ABLIM1: variants seen among roughly 807,000 people sequenced by gnomAD.
ABLIM1 encodes the protein actin binding LIM protein 1, also known as actin-binding LIM protein 1.
ABLIM1 carries 40 observed loss-of-function variants against 107.0 expected under a neutral mutation model. The observed-to-expected ratio is 0.37, with a 90% CI of 0.29 to 0.49. The LOEUF is 0.49. ABLIM1 is among the 20% of genes least tolerant of loss of function. The probability of loss-of-function intolerance (pLI) is 0.97; values close to 1 mark genes in which losing one functional copy is unlikely to be tolerated. For synonymous variants in ABLIM1, 357 were observed against 357.3 expected (o/e 1.00, Z 0.01); for missense variants, 857 against 1,008.5 (o/e 0.85, Z 2.04).
chr10:114,647,643 A>G (rs1490793124), intron 1 of ABLIM1, among the ~76,000 whole-genome samples: 1 of 152,188 alleles, frequency 6.6e-6, no homozygotes, highest in African/African-American at 2.4e-5. Flanking sequence ...TTATCCCAGG[A>G]GATCCTACTC....
the ABLIM1 span, among the ~76,000 whole-genome samples, chr10:114,781,590 ATG>A: frequency 2.0e-5 from 3 of 150,294 alleles, no homozygotes; most frequent in Non-Finnish European, 3.0e-5. Flanking sequence ...GTGTGTGAAT[ATG>A]TGTGTATATA....
At chr10:114,569,477 G>T (rs1298260293) in intron 4 of ABLIM1, among the ~76,000 whole-genome samples, 1 of 151,834 alleles carries the variant, frequency 6.6e-6, no homozygotes, top group Non-Finnish European at 1.5e-5. Context: ...CCGCCACCAC[G>T]CTCGGCTAAT....
chr10:114,486,849 C>A (rs550279620), intron 8 of ABLIM1, among the ~76,000 whole-genome samples: 2 of 151,696 alleles, frequency 1.3e-5, no homozygotes, highest in Non-Finnish European at 2.9e-5. Context: ...TTGATGGATG[C>A]GAATTGAGGA....
chr10:114,627,439 C>T (rs1350315226), intron 1 of ABLIM1, among the ~76,000 whole-genome samples: 1 of 152,026 alleles, frequency 6.6e-6, no homozygotes, highest in East Asian at 1.9e-4. Context: ...TATTTACTTC[C>T]TCGACAGGTG....
intron 8 of ABLIM1, among the ~76,000 whole-genome samples, chr10:114,477,650 T>C (rs2056679220): frequency 6.6e-6 from 1 of 152,200 alleles, no homozygotes; most frequent in South Asian, 2.1e-4. Context: ...TAACAGCACC[T>C]TCCAGGGATG....
chr10:114,695,764 A>G (rs192432330), intron 1 of ABLIM1, among the ~76,000 whole-genome samples: 37 of 152,332 alleles, frequency 2.4e-4, no homozygotes, highest in African/African-American at 8.9e-4. Context: ...GTTGGAAATA[A>G]AACACATCCA....
chr10:114,682,641 C>A (rs979953197), intron 1 of ABLIM1, among the ~76,000 whole-genome samples: 4 of 152,116 alleles, frequency 2.6e-5, no homozygotes, highest in African/African-American at 9.7e-5. Context: ...TATGACTGAG[C>A]TTCAAGTCAA....
intron 1 of ABLIM1, among the ~76,000 whole-genome samples, chr10:114,736,107 A>G (rs2082173941): frequency 6.6e-6 from 1 of 152,202 alleles, no homozygotes; most frequent in Non-Finnish European, 1.5e-5. Flanking sequence ...TTCCTGCAGA[A>G]GAGATTTAGA....
At chr10:114,724,790 C>T (rs1342351083) in intron 1 of ABLIM1, among the ~76,000 whole-genome samples, 3 of 152,096 alleles carry the variant, frequency 2.0e-5, no homozygotes, top group Admixed American at 6.6e-5. Context: ...TCAAAGAAGG[C>T]TATGAGGCCA....
chr10:114,639,922 T>A (rs1333818183), intron 1 of ABLIM1, among the ~76,000 whole-genome samples: 1 of 152,106 alleles, frequency 6.6e-6, no homozygotes, highest in Non-Finnish European at 1.5e-5. Flanking sequence ...TCAGGGAGAC[T>A]CAAAGTGAGG....
intron 13 of ABLIM1, among the ~76,000 whole-genome samples, chr10:114,452,427 A>T (rs2062052837): frequency 6.6e-6 from 1 of 152,172 alleles, no homozygotes; most frequent in African/African-American, 2.4e-5. Context: ...CCAGATATAG[A>T]ACATTAATTT....
chr10:114,751,782 G>A (rs808306), intron 1 of ABLIM1, among the ~76,000 whole-genome samples: 107,978 of 149,540 alleles, frequency 0.72, 39,181 homozygotes, highest in African/African-American at 0.76. Flanking sequence ...AAAAAAAGGC[G>A]TACAACAAAC....
intron 4 of ABLIM1, among the ~76,000 whole-genome samples, chr10:114,548,132 C>T (rs990217292): frequency 1.5e-4 from 23 of 152,288 alleles, no homozygotes; most frequent in African/African-American, 5.5e-4. Context: ...TGCGCATAGG[C>T]ATTTATTAAT....
At chr10:114,492,744 C>G (rs1207596058) in intron 6 of ABLIM1, among the ~76,000 whole-genome samples, 1 of 152,184 alleles carries the variant, frequency 6.6e-6, no homozygotes, top group Non-Finnish European at 1.5e-5. Flanking sequence ...AACATTTATT[C>G]TGCATTAACC....
intron 1 of ABLIM1, among the ~76,000 whole-genome samples, chr10:114,644,533 A>T (rs2078928609): frequency 6.6e-6 from 1 of 151,492 alleles, no homozygotes; most frequent in South Asian, 2.1e-4. Flanking sequence ...TGTCGCATTC[A>T]TTGCTCGTCT....
chr10:114,678,570 G>C (rs894653627), intron 1 of ABLIM1, among the ~76,000 whole-genome samples: 1 of 152,114 alleles, frequency 6.6e-6, no homozygotes, highest in Admixed American at 6.6e-5. Context: ...TATTGTCTAC[G>C]GCTGCTTTTG....
At chr10:114,735,626 C>T (rs1051626347) in intron 1 of ABLIM1, among the ~76,000 whole-genome samples, 3 of 152,196 alleles carry the variant, frequency 2.0e-5, no homozygotes, top group African/African-American at 4.8e-5. Flanking sequence ...CACGCTACCA[C>T]GCCCAGCTAA....
chr10:114,700,214 C>A (rs2081280925), intron 1 of ABLIM1, among the ~76,000 whole-genome samples: 1 of 152,174 alleles, frequency 6.6e-6, no homozygotes. Flanking sequence ...TTATGGATTA[C>A]TTCTCTTGTA....
chr10:114,651,945 C>T (rs2079267131), intron 1 of ABLIM1, among the ~76,000 whole-genome samples: 1 of 152,176 alleles, frequency 6.6e-6, no homozygotes, highest in South Asian at 2.1e-4. Context: ...GCAGCAGATG[C>T]CGGTCACTAC....
Sources: allele counts gnomAD v4.1 joint callset (sites outside exome capture counted in the v4.1 genomes callset), GRCh38; gene constraint gnomAD v4.1.1; transcripts MANE v1.5; gene names NCBI Gene and HGNC (gene_info 2026-07-23, HGNC 2026-07-21).